Variants in DOCK9 observed in about 807,000 individuals in gnomAD.
DOCK9 encodes dedicator of cytokinesis 9.
DOCK9 carries 89 observed loss-of-function variants against 263.3 expected under a neutral mutation model. The observed-to-expected ratio is 0.34, with a 90% CI of 0.28 to 0.40. The LOEUF (loss-of-function observed/expected upper bound fraction) is 0.40, where lower values mean the gene tolerates loss of function less well. Ranked by LOEUF, DOCK9 falls within the 10% of genes least tolerant of loss-of-function variation. DOCK9 has a pLI of 1.00. For synonymous variants in DOCK9, 976 were observed against 973.1 expected, an observed-to-expected ratio of 1.00 and a Z score of -0.06; for missense variants, 2,140 against 2,603.4, an observed-to-expected ratio of 0.82 and a Z score of 3.87.
chr13:98,804,399 G>C (rs991793739), intron 49 of DOCK9, among the ~76,000 whole-genome samples: 1 of 152,152 alleles, frequency 6.6e-6, no homozygotes, highest in East Asian at 1.9e-4. Flanking sequence ...TCCCAGAGTG[G>C]GTTATCACTG....
intron 48 of DOCK9, among the ~76,000 whole-genome samples, chr13:98,806,774 T>C (rs1291229162): frequency 6.6e-6 from 1 of 151,958 alleles, no homozygotes; most frequent in Non-Finnish European, 1.5e-5. Context: ...CCAGGCGTGG[T>C]GGCGCGTTCC....
At chr13:98,960,375 G>T (rs1420655560) in intron 1 of DOCK9, among the ~76,000 whole-genome samples, 2 of 152,126 alleles carry the variant, frequency 1.3e-5, no homozygotes, top group Admixed American at 6.5e-5. Flanking sequence ...CCAAGCCTAT[G>T]ACATTCAGAA....
chr13:98,932,964 C>T (rs2054203431), intron 2 of DOCK9, among the ~76,000 whole-genome samples: 1 of 152,060 alleles, frequency 6.6e-6, no homozygotes, highest in South Asian at 2.1e-4. Flanking sequence ...AAGACAGGCG[C>T]AATCTGTACA....
At chr13:98,961,307 G>T (rs1030112240) in intron 1 of DOCK9, among the ~76,000 whole-genome samples, 1 of 152,170 alleles carries the variant, frequency 6.6e-6, no homozygotes, top group Non-Finnish European at 1.5e-5. Context: ...TAAGCCCGGG[G>T]GCCCGCCCAG....
chr13:98,795,408 C>T (rs2089250303), intron 52 of DOCK9, among the ~76,000 whole-genome samples: 1 of 151,910 alleles, frequency 6.6e-6, no homozygotes, highest in South Asian at 2.1e-4. Flanking sequence ...AGCAGAGGCT[C>T]CCCTGGAAAC....
At chr13:98,866,797 AGGGATGTTT>A (rs1446206242) in intron 30 of DOCK9, among the ~76,000 whole-genome samples, 1 of 152,240 alleles carries the variant, frequency 6.6e-6, no homozygotes, top group Non-Finnish European at 1.5e-5. Context: ...GGGGTGAAGC[AGGGATGTTT>A]GTTTTACTTC....
intron 45 of DOCK9, among the ~76,000 whole-genome samples, chr13:98,821,526 C>A (rs577178363): frequency 2.0e-5 from 3 of 152,330 alleles, no homozygotes; most frequent in African/African-American, 7.2e-5. Flanking sequence ...ATGCTACCTG[C>A]ATCCTTCCAG....
At chr13:98,941,849 G>A (rs780606756) in intron 2 of DOCK9, among the ~76,000 whole-genome samples, 1 of 152,210 alleles carries the variant, frequency 6.6e-6, no homozygotes, top group Admixed American at 6.5e-5. Flanking sequence ...GTAACCTGGC[G>A]TCTGCCAAGC....
chr13:98,889,006 T>C (rs1372188132), intron 15 of DOCK9, among the ~76,000 whole-genome samples: 1 of 152,222 alleles, frequency 6.6e-6, no homozygotes, highest in Non-Finnish European at 1.5e-5. Flanking sequence ...AAAGCACATC[T>C]CAATTCAGAC....
chr13:98,859,546 C>G (rs2093796094), intron 33 of DOCK9: 1 of 152,034 alleles, frequency 6.6e-6, no homozygotes, highest in Non-Finnish European at 1.5e-5. Context: ...TGGGCAAGTC[C>G]TGTGAGTTAA....
intron 1 of DOCK9, among the ~76,000 whole-genome samples, chr13:99,041,788 C>T (rs1400732503): frequency 1.3e-5 from 2 of 152,182 alleles, no homozygotes; most frequent in East Asian, 3.8e-4. Context: ...GACAACTATG[C>T]TAATAAGAGA....
At chr13:98,907,034 T>C (rs541110565) in intron 9 of DOCK9, among the ~76,000 whole-genome samples, 78 of 152,352 alleles carry the variant, frequency 5.1e-4, no homozygotes, top group Non-Finnish European at 1.0e-3. Flanking sequence ...CATGTGTCTG[T>C]GGTGGAGGCA....
At chr13:99,009,468 G>A (rs990715220) in intron 1 of DOCK9, among the ~76,000 whole-genome samples, 38 of 152,104 alleles carry the variant, frequency 2.5e-4, no homozygotes, top group African/African-American at 9.2e-4. Context: ...AGCCAAGCAG[G>A]CTCCGGGCCT....
intron 19 of DOCK9, 25 bp from the exon 20 acceptor site, chr13:98,885,856 C>T: frequency 1.3e-6 from 2 of 1,584,320 alleles, no homozygotes; most frequent in Non-Finnish European, 1.7e-6. Flanking sequence ...AAAATAACAA[C>T]AAAATATTCT....
chr13:98,975,884 T>C (rs1226691859), intron 1 of DOCK9, among the ~76,000 whole-genome samples: 1 of 152,242 alleles, frequency 6.6e-6, no homozygotes, highest in Admixed American at 6.5e-5. Flanking sequence ...TGAATAGTAC[T>C]GCCACAAACA....
intron 15 of DOCK9, among the ~76,000 whole-genome samples, chr13:98,894,484 C>A (rs1448115357): frequency 6.6e-6 from 1 of 151,952 alleles, no homozygotes; most frequent in Non-Finnish European, 1.5e-5. Context: ...TATTTTCTTT[C>A]AAAAAATATA....
chr13:99,016,962 C>A (rs942847095), intron 1 of DOCK9, among the ~76,000 whole-genome samples: 4 of 152,266 alleles, frequency 2.6e-5, no homozygotes, highest in Middle Eastern at 3.4e-3. Context: ...CATCCGGGCA[C>A]GTGATCCCAT....
chr13:98,880,641 G>C lies in DOCK9; in HGVS notation c.2777C>G (p.Ser926Cys). 4 of 1,613,874 alleles carry C rather than the reference G, an allele frequency of 2.5e-6. No homozygotes were observed. Among genetic ancestry groups the C allele is most frequent in the Middle Eastern group, 1.6e-4 (1 of 6,062 alleles). Residue 926 changes from serine (S) to cysteine (C), a missense_variant, in exon 26 of 53, where the codon TCT becomes TGT. Physicochemically the swap from Ser to Cys is moderately radical, Grantham distance 112. This residue lies in a region of DOCK9 where 1,521 missense variants were observed against 1,741.7 expected (regional missense o/e 0.87). Coordinates refer to ENST00000682017, the MANE Select transcript of DOCK9 (RefSeq NM_001366683.2). The stretch of plus-strand genomic sequence containing the variant: ...TTCTTCATGCACTGTCTTGTATTCA[G>C]AGGCAACATATGGCTCAGCCTTATA... ...YAYKAEPYVA[S>C]EYKTVHEELT...
At chr13:99,015,584 G>C in intron 1 of DOCK9, 1 of 1,597,452 alleles carries the variant, frequency 6.3e-7, no homozygotes, top group Admixed American at 1.7e-5. Flanking sequence ...CCTTTAAACA[G>C]AATCACACTA....
Sources: gnomAD v4.1 joint callset for allele counts (sites outside exome capture counted in the v4.1 genomes callset) on GRCh38, gnomAD v4.1.1 for gene constraint, gnomAD v4.1.1 regional missense constraint, MANE v1.5 for transcripts, NCBI Gene and HGNC (gene_info 2026-07-23, HGNC 2026-07-21) for gene names.